ELAVL2: variants seen among roughly 807,000 people sequenced by gnomAD.
ELAVL2 encodes the protein ELAV like RNA binding protein 2.
ELAVL2 carries 4 observed loss-of-function variants against 34.6 expected under a neutral mutation model. The ratio of observed to expected loss-of-function variants is 0.12; its 90% CI spans 0.06 to 0.26. The LOEUF (loss-of-function observed/expected upper bound fraction) is 0.26. Among genes scored for constraint, ELAVL2 ranks in the 10% least tolerant of loss-of-function variants. The pLI, the probability that ELAVL2 is intolerant of heterozygous loss-of-function variation, is 1.00. For synonymous variants in ELAVL2, 193 were observed against 154.8 expected, an observed-to-expected ratio of 1.25 and a Z score of -1.83; for missense variants, 432 against 442.8, an observed-to-expected ratio of 0.98 and a Z score of 0.22.
Position 23,692,541 on chromosome 9 carries a change from T to C in ELAVL2, c.*16A>G, listed in dbSNP as rs1183474812. On this transcript the variant is annotated 3_prime_UTR_variant, in exon 7 of 7. Coordinates refer to ENST00000397312, the MANE Select transcript of ELAVL2 (RefSeq NM_004432.5). ...GTATAGTTTTCATATATAAATGGAC[T>C]GAGGACAAGAGCTCATTAGGCTTTG... 4 of 1,601,350 alleles carry C rather than the reference T, an allele frequency of 2.5e-6. No individual in the cohort carries two copies. The highest frequency in any genetic ancestry group is 2.2e-5 in the East Asian group (1 of 44,640).
At chr9:23,821,694 A>T (rs1300373531) in intron 1 of ELAVL2, 1 of 152,378 alleles carries the variant, frequency 6.6e-6, no homozygotes, top group African/African-American at 2.4e-5. Flanking sequence ...AGCTCCGCGG[A>T]GAGGCGGTGG....
intron 3 of ELAVL2, among the ~76,000 whole-genome samples, chr9:23,706,265 C>T (rs1040804479): frequency 3.9e-5 from 6 of 152,330 alleles, no homozygotes; most frequent in Non-Finnish European, 1.5e-5. Flanking sequence ...TTATAATCAT[C>T]ATTCCTCATG....
the ELAVL2 span, among the ~76,000 whole-genome samples, chr9:23,845,271 C>G: frequency 3.3e-5 from 5 of 151,590 alleles, no homozygotes; most frequent in Middle Eastern, 3.4e-3. Flanking sequence ...TTTATATAGA[C>G]AGATTTGTGC....
intron 3 of ELAVL2, among the ~76,000 whole-genome samples, chr9:23,724,665 G>A (rs1042562171): frequency 9.9e-5 from 15 of 152,142 alleles, no homozygotes; most frequent in African/African-American, 3.6e-4. Context: ...ATAGATAGAA[G>A]CATTTTATTT....
At chr9:23,704,557 A>T (rs1442431027) in intron 4 of ELAVL2, among the ~76,000 whole-genome samples, 1 of 146,076 alleles carries the variant, frequency 6.8e-6, no homozygotes, top group Non-Finnish European at 1.5e-5. Context: ...CCGCTGCATT[A>T]AACTTCGCTT....
chr9:23,735,127 A>AAAAAAAAAAAAAAAAAAAAAAAAAAG (rs2047551514), intron 2 of ELAVL2: 1 of 142,648 alleles, frequency 7.0e-6, no homozygotes. Flanking sequence ...AAAAAAAAAA[A>AAAAAAAAAAAAAAAAAAAAAAAAAAG]GCCCTTAAGA....
intron 1 of ELAVL2, among the ~76,000 whole-genome samples, chr9:23,801,142 T>C (rs1057096170): frequency 4.6e-5 from 7 of 152,298 alleles, no homozygotes; most frequent in African/African-American, 1.7e-4. Flanking sequence ...TTCTCAAAAC[T>C]TTCTGTTTGG....
intron 3 of ELAVL2, among the ~76,000 whole-genome samples, chr9:23,716,561 G>A (rs2042356695): frequency 6.6e-6 from 1 of 152,070 alleles, no homozygotes; most frequent in African/African-American, 2.4e-5. Flanking sequence ...AGCACACAGA[G>A]CAGGTCTTCA....
intron 2 of ELAVL2, among the ~76,000 whole-genome samples, chr9:23,754,495 C>T (rs749327272): frequency 6.6e-6 from 1 of 151,850 alleles, no homozygotes; most frequent in African/African-American, 2.4e-5. Context: ...CTCTGTCACA[C>T]AGGCTGAAAT....
rs1243144580 is a variant in ELAVL2, at chr9:23,762,385, T to C, written c.-15-136A>G. The C allele has an allele frequency of 5.4e-6, 6 of 1,112,522 alleles. No individual in the cohort carries two copies. In the African/African-American group the frequency reaches 6.3e-5, roughly 12 times the overall value. 68.9% of individuals were successfully genotyped at this position (1,112,522 alleles called of 1,614,324 possible). On this transcript the variant is annotated intron_variant, in intron 1 of 6. Coordinates refer to ENST00000397312, the MANE Select transcript of ELAVL2 (RefSeq NM_004432.5). The stretch of plus-strand genomic sequence containing the variant: ...TACAACAATGCTTCAACAAAAAGTG[T>C]AATACCTACACTAATTTTCACTTCA...
At chr9:23,848,628 A>C in the ELAVL2 span, among the ~76,000 whole-genome samples, 1 of 152,200 alleles carries the variant, frequency 6.6e-6, no homozygotes, top group Admixed American at 6.5e-5. Context: ...ATGCCCGCTA[A>C]AATACATTAA....
intron 2 of ELAVL2, among the ~76,000 whole-genome samples, chr9:23,761,204 T>C (rs1161184397): frequency 2.0e-5 from 3 of 152,134 alleles, no homozygotes; most frequent in African/African-American, 7.2e-5. Context: ...TTAATTAACA[T>C]GAAAAGTCCA....
At chr9:23,827,181 T>C (rs1305229378), upstream of ELAVL2, among the ~76,000 whole-genome samples, 1 of 152,230 alleles carries the variant, frequency 6.6e-6, no homozygotes, top group East Asian at 1.9e-4. Flanking sequence ...GGTACAGTCC[T>C]TGGACCACAC....
At chr9:23,758,562 T>C (rs1265459535) in intron 2 of ELAVL2, among the ~76,000 whole-genome samples, 2 of 152,144 alleles carry the variant, frequency 1.3e-5, no homozygotes, top group Non-Finnish European at 2.9e-5. Context: ...TTTATTATCA[T>C]ATATGTTTCT....
In ELAVL2 at chr9:23,754,074, T is replaced by G. The variant is rs7022242; in HGVS notation, c.229+7932A>C. Among the ~76,000 whole-genome samples the G allele has an allele frequency of 2.1e-3, 314 of 152,278 alleles. 1 individual carries two copies. The highest frequency in any genetic ancestry group is 6.6e-3 in the African/African-American group (276 of 41,556). ...ATTTACACCATAGGTTCAACTTTAT[T>G]TTCCCAGTAAACACTCTAAGACAGC... On this transcript the variant is annotated intron_variant, in intron 2 of 6. Coordinates refer to ENST00000397312, the MANE Select transcript of ELAVL2 (RefSeq NM_004432.5).
At chr9:23,693,302 G>T in intron 6 of ELAVL2, 146 bp downstream of exon 6, 4 of 965,024 alleles carry the variant, frequency 4.1e-6, no homozygotes, top group Non-Finnish European at 6.2e-6. Context: ...AGTCAATTGT[G>T]CTTCAAAGAG....
At chr9:23,767,777 A>G (rs1371305841) in intron 1 of ELAVL2, among the ~76,000 whole-genome samples, 3 of 152,302 alleles carry the variant, frequency 2.0e-5, no homozygotes, top group East Asian at 3.9e-4. Context: ...TGTCTCCAAA[A>G]TAAGTAAATA....
At chr9:23,777,950 T>C (rs1459074237) in intron 1 of ELAVL2, among the ~76,000 whole-genome samples, 2 of 137,212 alleles carry the variant, frequency 1.5e-5, no homozygotes, top group African/African-American at 2.8e-5. Context: ...CTAATAAACA[T>C]GGCCAACATA....
At chr9:23,748,844 A>G (rs1322519770) in intron 2 of ELAVL2, among the ~76,000 whole-genome samples, 2 of 152,192 alleles carry the variant, frequency 1.3e-5, no homozygotes, top group Non-Finnish European at 2.9e-5. Flanking sequence ...TATCTCCTGA[A>G]AACAATTATC....
Sources: gnomAD v4.1 joint callset for allele counts (sites outside exome capture counted in the v4.1 genomes callset) on GRCh38, gnomAD v4.1.1 for gene constraint, MANE v1.5 for transcripts, NCBI Gene and HGNC (gene_info 2026-07-23, HGNC 2026-07-21) for gene names.